Variants in COL1A1 observed in about 807,000 individuals in gnomAD.
The protein encoded by COL1A1 is collagen type I alpha 1 chain, also known as collagen alpha-1(I) chain.
In COL1A1, 21 loss-of-function variants were observed where a neutral mutation model predicts 195.7. That is an observed-to-expected ratio of 0.11 (90% CI 0.08 to 0.15). COL1A1 has a LOEUF of 0.15. Among genes scored for constraint, COL1A1 ranks in the 10% least tolerant of loss-of-function variants. The pLI, the probability that COL1A1 is intolerant of heterozygous loss-of-function variation, is 1.00. For synonymous variants in COL1A1, 749 were observed against 747.3 expected (o/e 1.00, Z -0.04); for missense variants, 1,365 against 2,051.0 (o/e 0.67, Z 6.46).
Position 50,192,649 on chromosome 17 carries a change from G to C in COL1A1, c.1920C>G (p.Pro640=). 1 of 1,614,170 alleles carries C rather than the reference G, an allele frequency of 6.2e-7. No homozygotes were observed. The highest frequency in any genetic ancestry group is 8.5e-7 in the Non-Finnish European group (1 of 1,180,008). The change falls in exon 28 of 51, where the codon CCC becomes CCG. Residue 640 remains proline, a synonymous_variant. Coordinates refer to ENST00000225964, the MANE Select transcript of COL1A1 (RefSeq NM_000088.4). Reference sequence around the variant, plus strand: ...AGCCATGAGGCCTCACCTGGAATCCGGGGGAGCCAGCAGGGCCTTGTTCAC... The same window carrying C: ...AGCCATGAGGCCTCACCTGGAATCCCGGGGAGCCAGCAGGGCCTTGTTCAC... ...ERGEQGPAGS[P]GFQGLPGPAG...
chr17:50,192,930 G>T (rs755374711), intron 26 of COL1A1, 64 bp downstream of exon 26: 5 of 1,609,492 alleles, frequency 3.1e-6, no homozygotes, highest in Admixed American at 3.3e-5. Context: ...CACCCCTCCT[G>T]CAGGGAGGAG....
In COL1A1 at chr17:50,190,474, G is replaced by C. The variant is rs2144554943; in HGVS notation, c.2397+69C>G. The C allele has an allele frequency of 6.2e-7, 1 of 1,600,296 alleles. No individual in the cohort carries two copies. The highest frequency in any genetic ancestry group is 8.6e-7 in the Non-Finnish European group (1 of 1,167,450). The stretch of plus-strand genomic sequence containing the variant: ...GAGGCAAGGGGTGAAGGCACAGACA[G>C]GGCCAGGGGTGCTGTGTGAAGGGAG... On this transcript the variant is annotated intron_variant, in intron 34 of 50. Coordinates refer to ENST00000225964, the MANE Select transcript of COL1A1 (RefSeq NM_000088.4). The surrounding 1 kb of genome is among the most constrained non-coding windows in gnomAD (Gnocchi z 4.7).
intron 1 of COL1A1, 46 bp from the exon 2 acceptor site, chr17:50,199,993 C>T (rs1317040294): frequency 1.3e-6 from 2 of 1,589,676 alleles, no homozygotes; most frequent in Non-Finnish European, 1.7e-6. Flanking sequence ...ACTGCAACCC[C>T]CAGCTTAACC....
At position 50,195,377 on chromosome 17, in the gene COL1A1, A is replaced by G. The variant is rs1416729538; in HGVS notation, c.1201-47T>C. ...GGCGTGAGCCTAGGAGCAGAGGGAAAGGGGCAGGCAGGCTGCAGGCGGCAG... is the reference window on the plus strand; with the variant it reads ...GGCGTGAGCCTAGGAGCAGAGGGAAGGGGGCAGGCAGGCTGCAGGCGGCAG... On this transcript the variant is annotated intron_variant, in intron 18 of 50. Coordinates refer to ENST00000225964, the MANE Select transcript of COL1A1 (RefSeq NM_000088.4). The surrounding 1 kb of genome is among the most constrained non-coding windows in gnomAD (Gnocchi z 4.3). 2 of 1,613,570 alleles carry G rather than the reference A, an allele frequency of 1.2e-6. No homozygotes were observed.
In COL1A1 at chr17:50,195,488, A is replaced by C; in HGVS notation, c.1156-10T>G. On this transcript the variant is annotated splice_polypyrimidine_tract_variant and intron_variant, in intron 17 of 50. Coordinates refer to ENST00000225964, the MANE Select transcript of COL1A1 (RefSeq NM_000088.4). The surrounding 1 kb of genome is among the most constrained non-coding windows in gnomAD (Gnocchi z 4.3). ...CAGCACCAGGGTTTCCCTGTGGCAC[A>C]GAGAAAGGAGTGTCAGCAACAGGCA... 6.2e-7 allele frequency: 1 copy of C among 1,614,144 alleles called. No individual in the cohort carries two copies. Among genetic ancestry groups the C allele is most frequent in the East Asian group, 2.2e-5 (1 of 44,882 alleles).
intron 11 of COL1A1, 43 bp downstream of exon 11, chr17:50,196,967 T>A (rs989849070): frequency 6.2e-7 from 1 of 1,605,920 alleles, no homozygotes; most frequent in African/African-American, 1.3e-5. Context: ...GATGGGGGTA[T>A]GCTAGGGACT....
At position 50,190,356 on chromosome 17, in the gene COL1A1, G is replaced by T. The variant is rs1215940390; in HGVS notation, c.2422C>A (p.Pro808Thr). The T allele has an allele frequency of 6.8e-6, 11 of 1,611,646 alleles. No individual in the cohort carries two copies. In the East Asian group the frequency reaches 2.5e-4, roughly 36 times the overall value. Reference sequence around the variant, plus strand: ...GGGCCAGCAAAGCCAGCAGGGCCGGGGGGACCAGGCTCACCACGGTCTCCC... The same window carrying T: ...GGGCCAGCAAAGCCAGCAGGGCCGGTGGGACCAGGCTCACCACGGTCTCCC... The part of the protein sequence containing the change: ...APGDRGEPGP[P>T]GPAGFAGPPG... The change falls in exon 35 of 51, where the codon CCC becomes ACC. Residue 808 changes from proline (P) to threonine (T), a missense_variant. Physicochemically the swap from Pro to Thr is conservative, Grantham distance 38. This residue lies in a region of COL1A1 where 671 missense variants were observed against 1,099.9 expected (regional missense o/e 0.61). Coordinates refer to ENST00000225964, the MANE Select transcript of COL1A1 (RefSeq NM_000088.4). This position sits in a 1 kb window ranked among gnomAD's most constrained non-coding sequence, Gnocchi z 4.7.
rs769202328 is a variant in COL1A1, at chr17:50,186,629, C to T, written c.3814+11G>A. The T allele has an allele frequency of 7.4e-6, 12 of 1,613,334 alleles. No individual in the cohort carries two copies. The East Asian group carries it at 2.5e-4, about 33-fold the overall frequency. ...AGTAGGAGGGAGGGAGAGGCTAGGG[C>T]AGGCCCTCACCACTCTTCCAGTCAG... On this transcript the variant is annotated intron_variant, in intron 48 of 50. Transcript: ENST00000225964. This position sits in a 1 kb window ranked among gnomAD's most constrained non-coding sequence, Gnocchi z 5.3.
rs1450213118 is a variant in COL1A1 at position 50,194,633 on chromosome 17, G to A, written c.1462-7C>T. On this transcript the variant is annotated splice_polypyrimidine_tract_variant and splice_region_variant and intron_variant, in intron 21 of 50. Coordinates refer to ENST00000225964, the MANE Select transcript of COL1A1 (RefSeq NM_000088.4). The surrounding 1 kb of genome is among the most constrained non-coding windows in gnomAD (Gnocchi z 6.8). ...CACGGCTACCAGGTCCACCCTGCAG[G>A]AGGAGAGGAGGCCAGTGAACTCCGC... The A allele has an allele frequency of 6.4e-6, 10 of 1,560,624 alleles. No homozygotes were observed. Among genetic ancestry groups the A allele is most frequent in the Non-Finnish European group, 8.7e-6 (10 of 1,152,012 alleles).
chr17:50,192,685 A>G lies in COL1A1; in HGVS notation c.1884T>C (p.Ala628=). 1.2e-6 allele frequency: 2 copies of G among 1,614,246 alleles called. No individual in the cohort carries two copies. The highest frequency in any genetic ancestry group is 1.7e-6 in the Non-Finnish European group (2 of 1,180,038). ...AQGPPGPAGP[A]GERGEQGPAG... ...CAGGGCCTTGTTCACCTCTCTCGCC[A>G]GCGGGACCCTGCACAGAGAGAACAC... is the stretch of plus-strand genomic sequence containing the variant. Residue 628 remains alanine (A), a synonymous_variant, in exon 28 of 51, where the codon GCT becomes GCC. Coordinates refer to ENST00000225964, the MANE Select transcript of COL1A1 (RefSeq NM_000088.4).
At position 50,185,578 on chromosome 17, in the gene COL1A1, A is replaced by ATGATGGGCAGGC. The variant is rs1906426616; in HGVS notation, c.4307_4318dup (p.Ile1439_Ile1440insSerLeuProIle). The ATGATGGGCAGGC allele has an allele frequency of 6.2e-7, 1 of 1,613,478 alleles. No individual in the cohort carries two copies. Among genetic ancestry groups the ATGATGGGCAGGC allele is most frequent in the Admixed American group, 1.7e-5 (1 of 59,940 alleles). Reference sequence around the variant, plus strand: ...ACCAACGTCCAAGGGGGCCACATCGATGATGGGCAGGCGGGAGGTCTTGGT... The same window carrying ATGATGGGCAGGC: ...ACCAACGTCCAAGGGGGCCACATCGATGATGGGCAGGCTGATGGGCAGGCGGGAGGTCTTGGT... On this transcript the variant is annotated inframe_insertion, in exon 51 of 51. Coordinates refer to ENST00000225964, the MANE Select transcript of COL1A1 (RefSeq NM_000088.4).
At chr17:50,187,268 G>T (rs1323528921) in intron 46 of COL1A1, 146 bp from the exon 47 acceptor site, 3 of 825,298 alleles carry the variant, frequency 3.6e-6, no homozygotes, top group Non-Finnish European at 4.0e-6. Flanking sequence ...ACATGCCATA[G>T]CTCCTCCCAG....
Position 50,196,334 on chromosome 17 carries a change from G to A in COL1A1, c.937C>T (p.Pro313Ser), listed in dbSNP as rs1054020486. The change falls in exon 14 of 51, where the codon CCT becomes TCT. Residue 313 changes from proline (P) to serine (S), a missense_variant. Physicochemically the swap from Pro to Ser is moderately conservative, Grantham distance 74. Coordinates refer to ENST00000225964, the MANE Select transcript of COL1A1 (RefSeq NM_000088.4). ...CTTACAGCAGGGCCAGGGGCTCCAG[G>A]GCGACCTCTCTCACCAGGCAGGCCA... is the stretch of plus-strand genomic sequence containing the variant. ...PRGLPGERGR[P>S]GAPGPAGARG... 9 of 1,610,992 alleles carry A rather than the reference G, an allele frequency of 5.6e-6. No individual in the cohort carries two copies. Among genetic ancestry groups the A allele is most frequent in the African/African-American group, 1.3e-5 (1 of 74,836 alleles).
At position 50,188,572 on chromosome 17, in the gene COL1A1, G is replaced by A. The variant is rs923525877; in HGVS notation, c.3165C>T (p.Gly1055=). The A allele has an allele frequency of 1.9e-6, 3 of 1,613,956 alleles. No homozygotes were observed. The highest frequency in any genetic ancestry group is 1.7e-5 in the Admixed American group (1 of 60,004). ...PGAPGAPGAP[G]PVGPAGKSGD... is the part of the protein sequence containing the mutation. ...CACTCTTGCCAGCAGGGCCAACGGGGCCAGGGGCACCAGGAGCACCAGGAG... is the reference window on the plus strand; with the variant it reads ...CACTCTTGCCAGCAGGGCCAACGGGACCAGGGGCACCAGGAGCACCAGGAG... The change falls in exon 43 of 51, where the codon GGC becomes GGT. Residue 1055 remains glycine, a synonymous_variant. Transcript: ENST00000225964. The surrounding 1 kb of genome is among the most constrained non-coding windows in gnomAD (Gnocchi z 5.6).
At position 50,189,087 on chromosome 17, in the gene COL1A1, A is replaced by C. The variant is rs1174837675; in HGVS notation, c.2938-77T>G. On this transcript the variant is annotated intron_variant, in intron 40 of 50. Coordinates refer to ENST00000225964, the MANE Select transcript of COL1A1 (RefSeq NM_000088.4). The surrounding 1 kb of genome is among the most constrained non-coding windows in gnomAD (Gnocchi z 5.5). ...AGTCCGCTGGAGTCATCTCTACCAA[A>C]TCTGTTCTCCTTGGCTCCGCCCCAC... is the stretch of plus-strand genomic sequence containing the variant. The C allele has an allele frequency of 3.8e-6, 6 of 1,581,040 alleles. No individual in the cohort carries two copies. The highest frequency in any genetic ancestry group is 1.3e-5 in the African/African-American group (1 of 74,180).
In COL1A1 at chr17:50,185,105, T is replaced by G; in HGVS notation, c.*397A>C. ...CTGGGGAGACAGATTTGGGAAGGAG[T>G]GGAGGGGAGGCCCCAAGGGGGGTGT... On this transcript the variant is annotated 3_prime_UTR_variant, in exon 51 of 51. Transcript: ENST00000225964. The G allele has an allele frequency of 1.1e-5, 3 of 276,290 alleles. No individual in the cohort carries two copies. Among genetic ancestry groups the G allele is most frequent in the South Asian group, 1.5e-4 (2 of 13,208 alleles). 17.1% of individuals were successfully genotyped at this position (276,290 alleles called of 1,614,324 possible).
Position 50,184,635 on chromosome 17 carries a change from G to C in COL1A1, c.*867C>G, listed in dbSNP as rs1380258031. 1 of 144,118 alleles carries C rather than the reference G, an allele frequency of 6.9e-6. No homozygotes were observed. Among genetic ancestry groups the C allele is most frequent in the Non-Finnish European group, 1.5e-5 (1 of 66,824 alleles). The allele number at this position is 144,118 out of a possible 1,614,324, so 8.9% of individuals were successfully genotyped here. A position where few individuals can be genotyped will look rare whatever the true frequency, so the allele number is the denominator to read the frequency against. The stretch of plus-strand genomic sequence containing the variant: ...AGATGTAGCACCTTTGGTATAAAAT[G>C]GGGAGCCGCTTCCACCCTGCCCCCA... On this transcript the variant is annotated 3_prime_UTR_variant, in exon 51 of 51. Coordinates refer to ENST00000225964, the MANE Select transcript of COL1A1 (RefSeq NM_000088.4).
chr17:50,199,365 G>A (rs370984739), intron 4 of COL1A1, 38 bp from the exon 5 acceptor site: 653 of 1,606,216 alleles, frequency 4.1e-4, no homozygotes, highest in Non-Finnish European at 5.2e-4. Context: ...TGAGCGTGGG[G>A]CCGAGAGCCA....
intron 31 of COL1A1, 37 bp from the exon 32 acceptor site, chr17:50,191,527 GGCCCCAAGA>G: frequency 6.3e-7 from 1 of 1,598,684 alleles, no homozygotes; most frequent in South Asian, 1.1e-5. Context: ...TGAGGCCTGG[GGCCCCAAGA>G]GTGGGTCACA....
Sources: allele counts gnomAD v4.1 joint callset, GRCh38; gene constraint gnomAD v4.1.1; regional missense constraint gnomAD v4.1.1; non-coding constraint Gnocchi (gnomAD v3.1); transcripts MANE v1.5; gene names NCBI Gene and HGNC (gene_info 2026-07-23, HGNC 2026-07-21).